Variants in DMPK observed in about 807,000 individuals in gnomAD.
DMPK encodes myotonin-protein kinase.
In DMPK, 32 loss-of-function variants were observed where a neutral mutation model predicts 70.3. The ratio of observed to expected loss-of-function variants is 0.46; its 90% CI spans 0.34 to 0.61. DMPK has a LOEUF of 0.61. DMPK is among the 20% of genes least tolerant of loss of function. The probability of loss-of-function intolerance (pLI) is 0.01; values close to 1 mark genes in which losing one functional copy is unlikely to be tolerated. For missense variants in DMPK, 899 were observed against 886.0 expected (o/e 1.01, Z -0.19); for synonymous variants, 469 against 390.9 (o/e 1.20, Z -2.36).
At chr19:45,772,571 C>A in intron 10 of DMPK, 70 bp downstream of exon 10, 1 of 1,017,626 alleles carries the variant, frequency 9.8e-7, no homozygotes, top group African/African-American at 1.7e-5. Context: ...ACAGTGCACG[C>A]CACCCGGGAA....
At position 45,772,626 on chromosome 19, in the gene DMPK, C is replaced by G. The variant is rs756108365; in HGVS notation, c.1344+15G>C. On this transcript the variant is annotated intron_variant, in intron 10 of 14. Transcript: ENST00000291270. Reference sequence around the variant, plus strand: ...CAATTGTCCCTGACGGACCCCCTCCCCTCCACCAACTTACTGTTTCATCCT... The same window carrying G: ...CAATTGTCCCTGACGGACCCCCTCCGCTCCACCAACTTACTGTTTCATCCT... The G allele has an allele frequency of 1.3e-6, 2 of 1,528,260 alleles. No homozygotes were observed. Among genetic ancestry groups the G allele is most frequent in the South Asian group, 2.5e-5 (2 of 80,076 alleles). 94.7% of individuals were successfully genotyped at this position (1,528,260 alleles called of 1,614,324 possible).
rs745695704 is a variant in DMPK at position 45,771,913 on chromosome 19, G to C, written c.1360C>G (p.Pro454Ala). Residue 454 changes from proline to alanine, a missense_variant, in exon 11 of 15, where the codon CCA becomes GCA. Coordinates refer to ENST00000291270, the MANE Select transcript of DMPK (RefSeq NM_004409.5). ...GCCTCTGCCGCAGGGACAGCCGCTG[G>C]AACTGCCACTTCAGCCTGTGTATGG... Reference protein sequence around the residue: ...PQDETAEVAVPAAVPAAEAEA... With the variant: ...PQDETAEVAVAAAVPAAEAEA... The C allele has an allele frequency of 2.5e-6, 4 of 1,595,996 alleles. No homozygotes were observed. The highest frequency in any genetic ancestry group is 4.6e-5 in the East Asian group (2 of 43,932).
At chr19:45,778,837 AC>A in intron 4 of DMPK, 196 bp from the exon 5 acceptor site, 1 of 605,142 alleles carries the variant, frequency 1.7e-6, no homozygotes, top group South Asian at 2.2e-5. Flanking sequence ...TCAAAAAAAA[AC>A]ACAAACAAAA....
Position 45,770,414 on chromosome 19 carries a change from G to A in DMPK, c.*74C>T, listed in dbSNP as rs910167095. 9 of 1,520,082 alleles carry A rather than the reference G, an allele frequency of 5.9e-6. No homozygotes were observed. Among genetic ancestry groups the A allele is most frequent in the Admixed American group, 2.0e-5 (1 of 50,834 alleles). 94.2% of individuals were successfully genotyped at this position (1,520,082 alleles called of 1,614,324 possible). A position where few individuals can be genotyped will look rare whatever the true frequency, so the allele number is the denominator to read the frequency against. ...AGCGGTTGTGAACTGGCAGGCGGTG[G>A]GCGCGGCTTCTGTGCCGTGCCCCGG... is the stretch of plus-strand genomic sequence containing the variant. On this transcript the variant is annotated 3_prime_UTR_variant, in exon 15 of 15. Transcript: ENST00000291270.
At position 45,779,873 on chromosome 19, in the gene DMPK, G is replaced by A; in HGVS notation, c.161-4C>T. ...AGCCTCACCACGATGGGCTCCGCTG[G>A]GGGGGTGGTGGGGGAAAAGAACCGA... On this transcript the variant is annotated splice_region_variant and splice_polypyrimidine_tract_variant and intron_variant, in intron 1 of 14. Coordinates refer to ENST00000291270, the MANE Select transcript of DMPK (RefSeq NM_004409.5). 6.2e-7 allele frequency: 1 copy of A among 1,613,460 alleles called. No homozygotes were observed. Among genetic ancestry groups the A allele is most frequent in the Non-Finnish European group, 8.5e-7 (1 of 1,179,858 alleles).
Position 45,778,165 on chromosome 19 carries a change from C to T in DMPK, c.637G>A (p.Asp213Asn), listed in dbSNP as rs781436323. ...CGCAGCTTGAGGCAAGAGCCGAAGT[C>T]GGCCAGGCGGATGTGGCCACAGCGG... is the stretch of plus-strand genomic sequence containing the variant. ...LDRCGHIRLA[D>N]FGSCLKLRAD... The change falls in exon 6 of 15, where the codon GAC becomes AAC. Residue 213 changes from aspartate (D) to asparagine (N), a missense_variant. Asp to Asn is a conservative substitution (Grantham distance 23). Around this residue, in one of 3 missense-constraint regions of DMPK, gnomAD observed 195 missense variants for 259.7 expected, o/e 0.75. Coordinates refer to ENST00000291270, the MANE Select transcript of DMPK (RefSeq NM_004409.5). 2.5e-6 allele frequency: 4 copies of T among 1,613,694 alleles called. No individual in the cohort carries two copies. Among genetic ancestry groups the T allele is most frequent in the South Asian group, 1.1e-5 (1 of 90,988 alleles).
At position 45,779,497 on chromosome 19, in the gene DMPK, G is replaced by C. The variant is rs760175683; in HGVS notation, c.278C>G (p.Thr93Arg). 4 of 1,613,806 alleles carry C rather than the reference G, an allele frequency of 2.5e-6. No individual in the cohort carries two copies. Among genetic ancestry groups the C allele is most frequent in the Non-Finnish European group, 3.4e-6 (4 of 1,179,986 alleles). ...GATCTTCATGGCATACACCTGGCCC[G>C]TCTGCTTCATCTTCACTACCGCTAC... is the stretch of plus-strand genomic sequence containing the variant. ...SEVAVVKMKQ[T>R]GQVYAMKIMN... Residue 93 changes from threonine to arginine, a missense_variant, in exon 3 of 15, where the codon ACG becomes AGG. By Grantham distance (71) the Thr-to-Arg change is moderately conservative (BLOSUM62 -1). Around this residue, in one of 3 missense-constraint regions of DMPK, gnomAD observed 149 missense variants for 142.5 expected, o/e 1.05. Coordinates refer to ENST00000291270, the MANE Select transcript of DMPK (RefSeq NM_004409.5).
chr19:45,782,472 C>A lies in DMPK; in HGVS notation c.-120G>T. ...TGGCTGCATGTCTGCCTGTCCCTGG[C>A]TGTCCCCTGGGCCTCTCTGGCCACT... On this transcript the variant is annotated 5_prime_UTR_variant, in exon 1 of 15. Coordinates refer to ENST00000291270, the MANE Select transcript of DMPK (RefSeq NM_004409.5). The A allele has an allele frequency of 3.3e-6, 4 of 1,197,768 alleles. No individual in the cohort carries two copies. Among genetic ancestry groups the A allele is most frequent in the Non-Finnish European group, 4.5e-6 (4 of 889,060 alleles). 74.2% of individuals were successfully genotyped at this position (1,197,768 alleles called of 1,614,324 possible). A position where few individuals can be genotyped will look rare whatever the true frequency, so the allele number is the denominator to read the frequency against.
At chr19:45,780,937 C>T (rs1027988218) in intron 1 of DMPK, among the ~76,000 whole-genome samples, 1 of 152,028 alleles carries the variant, frequency 6.6e-6, no homozygotes, top group African/African-American at 2.4e-5. Context: ...AGCGCCAGAC[C>T]CCTACCCCAC....
At chr19:45,778,280 G>A in intron 5 of DMPK, 60 bp from the exon 6 acceptor site, 3 of 1,522,210 alleles carry the variant, frequency 2.0e-6, no homozygotes, top group Non-Finnish European at 1.8e-6. Flanking sequence ...GTCCCACCAG[G>A]CTCCGCCCCT....
Position 45,770,142 on chromosome 19 carries a change from A to C in DMPK, c.*346T>G. The C allele has an allele frequency of 1.4e-6, 1 of 692,872 alleles. No homozygotes were observed. Among genetic ancestry groups the C allele is most frequent in the Non-Finnish European group, 2.5e-6 (1 of 406,068 alleles). 42.9% of individuals were successfully genotyped at this position (692,872 alleles called of 1,614,324 possible). On this transcript the variant is annotated 3_prime_UTR_variant, in exon 15 of 15. Coordinates refer to ENST00000291270, the MANE Select transcript of DMPK (RefSeq NM_004409.5). ...CGGCTTGCTGCCTTCCCAGGCCTGCAGTTTGCCCATCCACGTCAGGGCCTC... is the reference window on the plus strand; with the variant it reads ...CGGCTTGCTGCCTTCCCAGGCCTGCCGTTTGCCCATCCACGTCAGGGCCTC...
In DMPK at chr19:45,771,332, G is replaced by C; in HGVS notation, c.1647+18C>G. 6.3e-7 allele frequency: 1 copy of C among 1,584,892 alleles called. No individual in the cohort carries two copies. Among genetic ancestry groups the C allele is most frequent in the South Asian group, 1.1e-5 (1 of 87,082 alleles). On this transcript the variant is annotated intron_variant, in intron 13 of 14. Transcript: ENST00000291270. ...AATGGGCAGCAGGTCTGAGGCAGGG[G>C]AAAGAGAGGGGTCTTACATGGGAAG...
chr19:45,776,100 G>A (rs1372934186), intron 8 of DMPK, among the ~76,000 whole-genome samples: 1 of 106,238 alleles, frequency 9.4e-6, no homozygotes, highest in Non-Finnish European at 2.0e-5. Flanking sequence ...GGGATTACAG[G>A]CATGAGCCAC....
At chr19:45,778,370 G>A (rs1969899072) in intron 5 of DMPK, 123 bp downstream of exon 5, 5 of 1,393,986 alleles carry the variant, frequency 3.6e-6, no homozygotes, top group Non-Finnish European at 4.9e-6. Context: ...CTACTCCCAG[G>A]CACCCCCCGG....
At chr19:45,771,159 T>G (rs1969406038) in intron 13 of DMPK, 99 bp from the exon 14 acceptor site, 4 of 1,193,568 alleles carry the variant, frequency 3.4e-6, no homozygotes, top group Non-Finnish European at 4.7e-6. Flanking sequence ...GGAGGTTATC[T>G]AGGGAGATCC....
chr19:45,781,621 G>T (rs1469377765), intron 1 of DMPK, among the ~76,000 whole-genome samples: 1 of 152,204 alleles, frequency 6.6e-6, no homozygotes, highest in African/African-American at 2.4e-5. Context: ...CAGAGGAGGG[G>T]GCACTGGTGG....
At position 45,778,629 on chromosome 19, in the gene DMPK, C is replaced by A. The variant is rs773936389; in HGVS notation, c.445G>T (p.Glu149Ter). 1 of 1,613,710 alleles carries A rather than the reference C, an allele frequency of 6.2e-7. No individual in the cohort carries two copies. Among genetic ancestry groups the A allele is most frequent in the Non-Finnish European group, 8.5e-7 (1 of 1,179,958 alleles). Residue 149 changes from glutamate to a stop codon, truncating the protein, a stop_gained, in exon 5 of 15, where the codon GAG (glutamate) becomes TAG (stop). Coordinates refer to ENST00000291270, the MANE Select transcript of DMPK (RefSeq NM_004409.5). LOFTEE classifies it high-confidence loss of function. ...QDENYLYLVM[E>*]YYVGGDLLTL... ...AGCAGGTCCCCGCCCACGTAATACT[C>A]CATGACCAGGTACTGAGAAGGGGTT... is the stretch of plus-strand genomic sequence containing the variant.
intron 1 of DMPK, chr19:45,780,403 G>T (rs936246500): frequency 7.1e-7 from 1 of 1,413,096 alleles, no homozygotes; most frequent in Non-Finnish European, 9.4e-7. Context: ...AACAGGACAG[G>T]GAGACAAAGG....
intron 1 of DMPK, chr19:45,780,695 A>G (rs1463000783): frequency 4.8e-6 from 4 of 826,710 alleles, no homozygotes; most frequent in South Asian, 4.9e-5. Context: ...GAGGGGAGGG[A>G]AGGAGAGGAG....
Sources: allele counts gnomAD v4.1 joint callset (sites outside exome capture counted in the v4.1 genomes callset), GRCh38; gene constraint gnomAD v4.1.1; regional missense constraint gnomAD v4.1.1; transcripts MANE v1.5; gene names NCBI Gene and HGNC (gene_info 2026-07-23, HGNC 2026-07-21).